Variants in EML1 observed in about 807,000 individuals in gnomAD.
EML1 encodes echinoderm microtubule-associated protein-like 1.
In EML1, 27 loss-of-function variants were observed where a neutral mutation model predicts 110.4. The observed-to-expected ratio is 0.24, with a 90% CI of 0.18 to 0.34. The LOEUF (loss-of-function observed/expected upper bound fraction) is 0.34. Among genes scored for constraint, EML1 ranks in the 10% least tolerant of loss-of-function variants. EML1 has a pLI of 1.00. For synonymous variants in EML1, 344 were observed against 385.8 expected (o/e 0.89, Z 1.27); for missense variants, 741 against 1,030.9 (o/e 0.72, Z 3.85).
chr14:99,851,383 C>T (rs2058796411), intron 2 of EML1, among the ~76,000 whole-genome samples: 1 of 152,050 alleles, frequency 6.6e-6, no homozygotes, highest in Admixed American at 6.6e-5. Context: ...TCTGGGCTCA[C>T]TGCCAGCTCT....
intron 17 of EML1, among the ~76,000 whole-genome samples, chr14:99,923,365 C>T (rs964170751): frequency 2.0e-5 from 3 of 152,136 alleles, no homozygotes; most frequent in East Asian, 1.9e-4. Flanking sequence ...TGAATATTTC[C>T]TTGTATGCTT....
rs2140053318 is a variant in EML1 at position 99,911,583 on chromosome 14, C to T, written c.1494+7C>T. On this transcript the variant is annotated splice_region_variant and intron_variant, in intron 13 of 21. Transcript: ENST00000262233. ...AAAACTTCGTAAAACGGAGGTAAGT[C>T]ATCAAGGCTACTGCTAAAATTTGTT... The T allele has an allele frequency of 6.2e-7, 1 of 1,610,006 alleles. No homozygotes were observed. The highest frequency in any genetic ancestry group is 8.5e-7 in the Non-Finnish European group (1 of 1,179,256).
chr14:99,744,927 G>A (rs2057087440), intron 1 of EML1, among the ~76,000 whole-genome samples: 1 of 152,172 alleles, frequency 6.6e-6, no homozygotes, highest in African/African-American at 2.4e-5. Flanking sequence ...GAGTTTAGAA[G>A]GAAATGATTT....
At chr14:99,825,533 CT>C (rs879906678) in intron 1 of EML1, among the ~76,000 whole-genome samples, 6 of 152,162 alleles carry the variant, frequency 3.9e-5, no homozygotes, top group Non-Finnish European at 7.3e-5. Flanking sequence ...AGACTCAGCC[CT>C]TTCTACCACA....
intron 1 of EML1, among the ~76,000 whole-genome samples, chr14:99,822,887 T>C (rs2058287573): frequency 6.6e-6 from 1 of 152,186 alleles, no homozygotes; most frequent in Non-Finnish European, 1.5e-5. Flanking sequence ...TGCTGAAGCG[T>C]CTCTCCAGTC....
At chr14:99,829,252 G>C (rs2058410535) in intron 1 of EML1, among the ~76,000 whole-genome samples, 1 of 152,114 alleles carries the variant, frequency 6.6e-6, no homozygotes, top group Non-Finnish European at 1.5e-5. Flanking sequence ...GTGTCATCCA[G>C]GGCCCCTCTC....
At chr14:99,747,103 G>A (rs1246421806) in intron 1 of EML1, among the ~76,000 whole-genome samples, 1 of 150,558 alleles carries the variant, frequency 6.6e-6, no homozygotes, top group Admixed American at 6.7e-5. Flanking sequence ...GAGGAGAATG[G>A]CGTGAACCCA....
chr14:99,920,663 C>A, intron 16 of EML1, 126 bp from the exon 17 acceptor site: 1 of 738,518 alleles, frequency 1.4e-6, no homozygotes, highest in Non-Finnish European at 2.1e-6. Context: ...AACAAGCTTT[C>A]TTATTAAGCA....
At chr14:99,844,311 T>G (rs1362837731) in intron 1 of EML1, among the ~76,000 whole-genome samples, 1 of 152,064 alleles carries the variant, frequency 6.6e-6, no homozygotes, top group African/African-American at 2.4e-5. Flanking sequence ...AAACCCCGTC[T>G]CTACTGAAAA....
chr14:99,894,525 T>G, intron 5 of EML1, 104 bp from the exon 6 acceptor site: 1 of 1,312,040 alleles, frequency 7.6e-7, no homozygotes. Context: ...GACAGAAGGG[T>G]AAAAGTTTCT....
intron 1 of EML1, among the ~76,000 whole-genome samples, chr14:99,805,592 A>G (rs536306247): frequency 1.5e-4 from 23 of 152,074 alleles, no homozygotes; most frequent in Non-Finnish European, 2.9e-4. Flanking sequence ...CTCTAGCATC[A>G]GCCTCCTAAG....
intron 1 of EML1, among the ~76,000 whole-genome samples, chr14:99,843,773 C>G (rs868431212): frequency 3.3e-5 from 5 of 152,218 alleles, no homozygotes; most frequent in Non-Finnish European, 4.4e-5. Context: ...CCCTGCCTTC[C>G]GCCTGAGGCC....
intron 1 of EML1, among the ~76,000 whole-genome samples, chr14:99,840,827 TA>T (rs2058620703): frequency 6.6e-6 from 1 of 152,238 alleles, no homozygotes; most frequent in Non-Finnish European, 1.5e-5. Flanking sequence ...CACCTTTTAA[TA>T]GAGTGAAACA....
chr14:99,793,337 C>T (rs2140231779), upstream of EML1: 1 of 983,434 alleles, frequency 1.0e-6, no homozygotes, highest in Non-Finnish European at 1.2e-6. Context: ...CCGGGGTTGC[C>T]ATGGTAACCG....
At chr14:99,838,629 G>GTT (rs564626879) in intron 1 of EML1, among the ~76,000 whole-genome samples, 5 of 147,886 alleles carry the variant, frequency 3.4e-5, no homozygotes, top group African/African-American at 1.2e-4. Flanking sequence ...AAAAGCTGTA[G>GTT]TTTTTTTTTT....
intron 1 of EML1, among the ~76,000 whole-genome samples, chr14:99,755,852 G>T (rs897491431): frequency 1.3e-5 from 2 of 152,086 alleles, no homozygotes; most frequent in South Asian, 2.1e-4. Flanking sequence ...GAGGCAGGGG[G>T]CAGGAGCCTG....
chr14:99,832,942 T>A (rs2058484249), intron 1 of EML1, among the ~76,000 whole-genome samples: 9 of 152,334 alleles, frequency 5.9e-5, no homozygotes, highest in South Asian at 2.1e-4. Flanking sequence ...GTGTCGGTTC[T>A]TACATGGGTG....
chr14:99,893,403 A>G (rs1566922564), intron 5 of EML1, among the ~76,000 whole-genome samples: 1 of 152,150 alleles, frequency 6.6e-6, no homozygotes, highest in Non-Finnish European at 1.5e-5. Flanking sequence ...GGGAGGATCC[A>G]TGGGACGCAG....
At chr14:99,830,668 A>G (rs987024545) in intron 1 of EML1, among the ~76,000 whole-genome samples, 3 of 151,840 alleles carry the variant, frequency 2.0e-5, no homozygotes, top group African/African-American at 7.2e-5. Flanking sequence ...CTCCTGCCTC[A>G]GCCTCCCAAG....
Sources: allele counts gnomAD v4.1 joint callset (sites outside exome capture counted in the v4.1 genomes callset), GRCh38; gene constraint gnomAD v4.1.1; transcripts MANE v1.5; gene names NCBI Gene and HGNC (gene_info 2026-07-23, HGNC 2026-07-21).